FGF13: variants seen among roughly 807,000 people sequenced by gnomAD.
The protein encoded by FGF13 is fibroblast growth factor 13, also known as fibroblast growth factor homologous factor 2.
FGF13 carries 2 observed loss-of-function variants against 19.5 expected under a neutral mutation model. That is an observed-to-expected ratio of 0.10 (90% CI 0.04 to 0.32). The LOEUF is 0.32. Among genes scored for constraint, FGF13 ranks in the 10% least tolerant of loss-of-function variants. FGF13 has a pLI of 1.00. For synonymous variants in FGF13, 72 were observed against 76.9 expected (o/e 0.94, Z 0.33); for missense variants, 113 against 192.7 (o/e 0.59, Z 2.45).
intron 1 of FGF13, among the ~76,000 whole-genome samples, chrX:139,179,546 A>G (rs1340989029): frequency 9.0e-6 from 1 of 110,978 alleles, no homozygotes; most frequent in Admixed American, 9.6e-5. Context: ...TAACAGCTCT[A>G]TGCCTTAGTT....
At chrX:138,686,562 T>C (rs188920461) in intron 3 of FGF13, among the ~76,000 whole-genome samples, 43 of 112,025 alleles carry the variant, frequency 3.8e-4, no homozygotes, top group Non-Finnish European at 7.3e-4. Context: ...ATCAGTAGGA[T>C]AATATTTCAT....
chrX:138,868,813 G>A (rs770949945), intron 1 of FGF13, among the ~76,000 whole-genome samples: 5 of 110,497 alleles, frequency 4.5e-5, no homozygotes, highest in Admixed American at 3.9e-4. Flanking sequence ...CCTAATCTCT[G>A]ATCCAAATTT....
chrX:138,839,732 G>A (rs905539600), intron 3 of FGF13, among the ~76,000 whole-genome samples: 1 of 111,676 alleles, frequency 9.0e-6, no homozygotes, highest in African/African-American at 3.3e-5. Flanking sequence ...TTTGTCAATA[G>A]AGAATATAAA....
At chrX:139,043,669 G>T (rs1194401962) in intron 1 of FGF13, among the ~76,000 whole-genome samples, 2 of 111,697 alleles carry the variant, frequency 1.8e-5, no homozygotes, top group Non-Finnish European at 3.8e-5. Flanking sequence ...GAAAACAAAA[G>T]TTCATAGCAG....
At chrX:138,875,995 TACACAC>T (rs749175408) in intron 1 of FGF13, among the ~76,000 whole-genome samples, 46 of 98,048 alleles carry the variant, frequency 4.7e-4, no homozygotes, top group African/African-American at 8.5e-4. Context: ...TATCGGCTTG[TACACAC>T]ACACACACAC....
chrX:138,788,577 G>A (rs952917319), intron 3 of FGF13, among the ~76,000 whole-genome samples: 1 of 112,181 alleles, frequency 8.9e-6, no homozygotes, highest in Non-Finnish European at 1.9e-5. Context: ...CTTGTCTTCA[G>A]GAATAAAGCA....
At chrX:139,148,617 A>G (rs2083908857) in intron 1 of FGF13, among the ~76,000 whole-genome samples, 1 of 109,729 alleles carries the variant, frequency 9.1e-6, no homozygotes, top group Non-Finnish European at 1.9e-5. Context: ...AAAAAAAAAA[A>G]AAAAAAAGGA....
At chrX:139,177,728 G>C (rs2084200827) in intron 1 of FGF13, among the ~76,000 whole-genome samples, 1 of 111,327 alleles carries the variant, frequency 9.0e-6, no homozygotes, top group Admixed American at 9.5e-5. Context: ...TTTTCCAGGG[G>C]AGTGAACATT....
chrX:138,968,595 A>G (rs184498796), intron 1 of FGF13, among the ~76,000 whole-genome samples: 2 of 112,488 alleles, frequency 1.8e-5, no homozygotes, highest in African/African-American at 6.4e-5. Flanking sequence ...GAAAAGATAT[A>G]GTCCTGTTAA....
chrX:139,013,504 T>C (rs1272097154), intron 1 of FGF13, among the ~76,000 whole-genome samples: 1 of 21,860 alleles, frequency 4.6e-5, no homozygotes, highest in Non-Finnish European at 1.2e-4. Context: ...TATATATATA[T>C]ATATATATAT....
At chrX:138,717,619 G>GTTTGT (rs896036616) in intron 1 of FGF13, among the ~76,000 whole-genome samples, 3 of 110,539 alleles carry the variant, frequency 2.7e-5, no homozygotes, top group Non-Finnish European at 3.8e-5. Context: ...GTTGTTGTTG[G>GTTTGT]TTTGTTTTGT....
At position 138,652,900 on chromosome X, in the gene FGF13, T is replaced by A. The variant is rs147575404; in HGVS notation, c.403-17245A>T. Among the ~76,000 whole-genome samples the A allele has an allele frequency of 4.5e-5, 5 of 112,230 alleles. No homozygotes were observed. The East Asian group carries it at 1.1e-3, about 25-fold the overall frequency. ...GACTTATCCTAGTAATATGTGAAAG[T>A]GAAATCTTCTCAACATATCAGAAAT... On this transcript the variant is annotated intron_variant, in intron 3 of 4. Coordinates refer to ENST00000315930, the MANE Select transcript of FGF13 (RefSeq NM_004114.5).
chrX:138,815,836 G>A (rs775538129), intron 3 of FGF13, among the ~76,000 whole-genome samples: 43 of 110,761 alleles, frequency 3.9e-4, no homozygotes, highest in South Asian at 3.1e-3. Flanking sequence ...GGATCTAATT[G>A]TTCAATAAAA....
rs779828939 is a variant in FGF13 at position 139,084,217 on chromosome X, GAGA to G, written c.-113+119196_-113+119198del. On this transcript the variant is annotated intron_variant, in intron 1 of 2. Transcript: ENST00000421460. ...AGGAGAAAGAGAAAATGGGGAAGAG[GAGA>G]AGGAGTGGAGAAGGTAGAAGAGGGA... 2.7e-5 allele frequency among the ~76,000 whole-genome samples: 3 copies of G among 110,969 alleles called. No homozygotes were observed. The South Asian group carries it at 1.2e-3, about 44-fold the overall frequency.
chrX:138,620,401 C>G lies in FGF13; in HGVS notation c.*12449G>C. ...ACACCTCAGTGATGGGTTGAAGGTGCAGCAAACCACCATGGCACATGTTTA... is the reference window on the plus strand; with the variant it reads ...ACACCTCAGTGATGGGTTGAAGGTGGAGCAAACCACCATGGCACATGTTTA... On this transcript the variant is annotated 3_prime_UTR_variant, in exon 5 of 5. Coordinates refer to ENST00000315930, the MANE Select transcript of FGF13 (RefSeq NM_004114.5). 9.1e-6 allele frequency: 1 copy of G among 110,459 alleles called. No individual in the cohort carries two copies. The highest frequency in any genetic ancestry group is 4.6e-3 in the Middle Eastern group (1 of 216). The allele number at this position is 110,459 out of a possible 1,213,427, so 9.1% of individuals were successfully genotyped here.
chrX:138,692,401 T>TC (rs998016258), intron 3 of FGF13, among the ~76,000 whole-genome samples: 9 of 108,127 alleles, frequency 8.3e-5, no homozygotes, highest in African/African-American at 3.0e-4. Flanking sequence ...TTTTTTTTTT[T>TC]TCTATCATGT....
chrX:138,654,159 T>G (rs1355897643), intron 3 of FGF13, among the ~76,000 whole-genome samples: 1 of 111,709 alleles, frequency 9.0e-6, no homozygotes, highest in African/African-American at 3.3e-5. Context: ...ATATAGTACA[T>G]TCTCCATAAA....
intron 1 of FGF13, among the ~76,000 whole-genome samples, chrX:139,154,034 C>G (rs2083957122): frequency 9.0e-6 from 1 of 111,642 alleles, no homozygotes; most frequent in African/African-American, 3.3e-5. Context: ...TTCAAGGAAT[C>G]AAATTTGTAG....
chrX:138,773,089 A>G (rs2090561330), intron 3 of FGF13, among the ~76,000 whole-genome samples: 1 of 111,090 alleles, frequency 9.0e-6, no homozygotes, highest in Admixed American at 9.6e-5. Context: ...GCCCTCATTG[A>G]GAAATGATAG....
Sources: allele counts gnomAD v4.1 joint callset (sites outside exome capture counted in the v4.1 genomes callset), GRCh38; gene constraint gnomAD v4.1.1; transcripts MANE v1.5; gene names NCBI Gene and HGNC (gene_info 2026-07-23, HGNC 2026-07-21).